Variants in CD99 observed in about 807,000 individuals in gnomAD.
CD99 encodes CD99 antigen.
A neutral mutation model predicts 28.4 loss-of-function variants in CD99; 19 were observed. That is an observed-to-expected ratio of 0.67 (90% CI 0.47 to 0.98). The LOEUF is 0.98. Among genes scored for constraint, CD99 ranks in the 50% least tolerant of loss-of-function variants. The pLI is 0.00. For missense variants in CD99, 283 were observed against 248.8 expected (o/e 1.14, Z -0.92); for synonymous variants, 103 against 92.1 (o/e 1.12, Z -0.67).
At chrX:2,715,551 A>C (rs2048658549) in intron 2 of CD99, 1 of 151,916 alleles carries the variant, frequency 6.6e-6, no homozygotes, top group Admixed American at 6.6e-5. Context: ...GGGCCACTCT[A>C]CTCCAGGATT....
At chrX:2,713,424 C>T (rs769804607) in intron 1 of CD99, among the ~76,000 whole-genome samples, 4 of 152,176 alleles carry the variant, frequency 2.6e-5, no homozygotes, top group African/African-American at 9.6e-5. Context: ...TGCCTATATG[C>T]ACCCACAACA....
chrX:2,700,523 TG>T (rs1454050268), intron 1 of CD99, among the ~76,000 whole-genome samples: 1 of 151,750 alleles, frequency 6.6e-6, no homozygotes, highest in Non-Finnish European at 1.5e-5. Flanking sequence ...CATTCATCCA[TG>T]CATCCATCCA....
At chrX:2,740,121 A>T (rs2050132986) in intron 9 of CD99, among the ~76,000 whole-genome samples, 2 of 151,668 alleles carry the variant, frequency 1.3e-5, no homozygotes, top group Non-Finnish European at 2.9e-5. Flanking sequence ...AATAAAAGAA[A>T]GTTAGTGTCT....
intron 1 of CD99, among the ~76,000 whole-genome samples, chrX:2,709,697 A>AACACAGACACACACATGCATGT (rs2048303334): frequency 6.6e-6 from 1 of 151,812 alleles, no homozygotes; most frequent in Non-Finnish European, 1.5e-5. Flanking sequence ...CACATGCATG[A>AACACAGACACACACATGCATGT]ACATAGACAC....
intron 1 of CD99, 191 bp from the exon 2 acceptor site, chrX:2,714,231 A>T (rs311070): frequency 0.37 from 57,919 of 156,798 alleles, 12,299 homozygotes; most frequent in African/African-American, 0.6. Context: ...ACCTAGGCTA[A>T]CATATTCTTA....
rs766208759 is a variant in CD99, at chrX:2,715,665, G to A, written c.100+1211G>A. The stretch of plus-strand genomic sequence containing the variant: ...GCTTTAGGATGTAGATATATCTTTT[G>A]CGGGGACCACTGCTCAATCCACTGC... On this transcript the variant is annotated intron_variant, in intron 2 of 9. Coordinates refer to ENST00000381192, the MANE Select transcript of CD99 (RefSeq NM_002414.5). 2.6e-5 allele frequency: 4 copies of A among 151,724 alleles called. No homozygotes were observed. The East Asian group carries it at 5.9e-4, about 22-fold the overall frequency. The allele number at this position is 151,724 out of a possible 1,614,324, so 9.4% of individuals were successfully genotyped here.
chrX:2,710,368 T>G (rs1207731199), intron 1 of CD99, among the ~76,000 whole-genome samples: 1 of 152,128 alleles, frequency 6.6e-6, no homozygotes, highest in Admixed American at 6.5e-5. Flanking sequence ...GAAGGATGAG[T>G]CACTTTAAGG....
intron 1 of CD99, among the ~76,000 whole-genome samples, chrX:2,698,525 G>T (rs1447703569): frequency 6.6e-6 from 1 of 151,848 alleles, no homozygotes; most frequent in African/African-American, 2.4e-5. Context: ...GAAGTGCAGT[G>T]GTGTGATCTC....
chrX:2,729,028 A>G, intron 8 of CD99, among the ~76,000 whole-genome samples: 1 of 152,010 alleles, frequency 6.6e-6, no homozygotes. Context: ...ATGGGGGTTC[A>G]CCATGTTGGA....
At chrX:2,728,323 G>A (rs754471443) in intron 8 of CD99, among the ~76,000 whole-genome samples, 1 of 150,906 alleles carries the variant, frequency 6.6e-6, no homozygotes, top group East Asian at 2.0e-4. Flanking sequence ...AGCCTCCCGA[G>A]TAGCTGGGAT....
At chrX:2,737,033 C>T (rs770279921) in intron 8 of CD99, among the ~76,000 whole-genome samples, 1 of 152,038 alleles carries the variant, frequency 6.6e-6, no homozygotes, top group Admixed American at 6.6e-5. Context: ...CACCTCTCTG[C>T]ATTCTGAGGG....
chrX:2,710,836 T>C (rs1257646622), intron 1 of CD99, among the ~76,000 whole-genome samples: 1 of 151,212 alleles, frequency 6.6e-6, no homozygotes, highest in Non-Finnish European at 1.5e-5. Context: ...CCTCTACTAA[T>C]GTATCTACAT....
chrX:2,717,966 C>T (rs1195168229), intron 3 of CD99: 4 of 269,686 alleles, frequency 1.5e-5, no homozygotes, highest in East Asian at 6.3e-5. Flanking sequence ...TTTGAGATGG[C>T]GTTTCATTCT....
chrX:2,714,498 G>A, intron 2 of CD99, 44 bp downstream of exon 2: 1 of 1,494,146 alleles, frequency 6.7e-7, no homozygotes, highest in Non-Finnish European at 9.3e-7. Context: ...AATATTTTAT[G>A]TTAACATAGT....
intron 8 of CD99, among the ~76,000 whole-genome samples, chrX:2,729,146 A>G (rs1643671030): frequency 6.6e-6 from 1 of 152,094 alleles, no homozygotes; most frequent in Non-Finnish European, 1.5e-5. Flanking sequence ...TCTTTTTTAG[A>G]ATCCCAGACA....
intron 6 of CD99, among the ~76,000 whole-genome samples, chrX:2,722,879 A>C (rs888847523): frequency 7.9e-5 from 12 of 152,260 alleles, no homozygotes; most frequent in African/African-American, 2.9e-4. Context: ...CGGTCCTCGG[A>C]GAAGAGTTCA....
intron 7 of CD99, among the ~76,000 whole-genome samples, chrX:2,725,901 C>T (rs974919661): frequency 3.5e-4 from 54 of 152,200 alleles, no homozygotes; most frequent in Non-Finnish European, 6.8e-4. Context: ...GCGTGAGCCA[C>T]CACGCCCAGC....
At position 2,726,357 on chromosome X, in the gene CD99, A is replaced by G. The variant is rs1258814600; in HGVS notation, c.459A>G (p.Leu153=). Residue 153 remains leucine, a synonymous_variant, in exon 8 of 10, where the codon CTA becomes CTG. Transcript: ENST00000381192. The stretch of plus-strand genomic sequence containing the variant: ...TCATTGCTTACCAGAAAAAGAAGCT[A>G]TGCTTCAAAGAAAATGGTAAGTCTC... The part of the protein sequence containing the change: ...SSFIAYQKKK[L]CFKENAEQGE... 5.6e-6 allele frequency: 9 copies of G among 1,607,564 alleles called. No homozygotes were observed. Among genetic ancestry groups the G allele is most frequent in the Middle Eastern group, 2.0e-4 (1 of 5,022 alleles).
chrX:2,733,884 A>G (rs1334896549), intron 8 of CD99, among the ~76,000 whole-genome samples: 1 of 152,234 alleles, frequency 6.6e-6, no homozygotes, highest in Non-Finnish European at 1.5e-5. Context: ...CTTCCTATGA[A>G]GCAGTTCTTA....
Sources: allele counts gnomAD v4.1 joint callset (sites outside exome capture counted in the v4.1 genomes callset), GRCh38; gene constraint gnomAD v4.1.1; transcripts MANE v1.5; gene names NCBI Gene and HGNC (gene_info 2026-07-23, HGNC 2026-07-21).